The following PRKG1 variants were observed in gnomAD, a reference collection of about 807,000 sequenced individuals.
PRKG1 encodes the protein cGMP-dependent protein kinase 1.
Under a neutral mutation model 88.1 loss-of-function variants are expected in PRKG1, and 35 were observed. The observed-to-expected ratio is 0.40, with a 90% CI of 0.30 to 0.53. The LOEUF (loss-of-function observed/expected upper bound fraction) is 0.53. Among genes scored for constraint, PRKG1 ranks in the 20% least tolerant of loss-of-function variants. The probability of loss-of-function intolerance (pLI) is 0.59; values close to 1 mark genes in which losing one functional copy is unlikely to be tolerated. For synonymous variants in PRKG1, 303 were observed against 292.5 expected, an observed-to-expected ratio of 1.04 and a Z score of -0.37; for missense variants, 540 against 839.8, an observed-to-expected ratio of 0.64 and a Z score of 4.41.
chr10:51,975,309 A>G (rs61847500), intron 5 of PRKG1, among the ~76,000 whole-genome samples: 15,630 of 152,064 alleles, frequency 0.1, 1,194 homozygotes, highest in East Asian at 0.32. Context: ...ACTTTAGGAC[A>G]GAAGCAGCCT....
intron 3 of PRKG1, among the ~76,000 whole-genome samples, chr10:51,511,640 T>C (rs1404054967): frequency 6.6e-6 from 1 of 152,176 alleles, no homozygotes; most frequent in Non-Finnish European, 1.5e-5. Context: ...TAATGAAATA[T>C]CAGTAACACT....
chr10:51,732,035 T>C (rs567635606), intron 3 of PRKG1, among the ~76,000 whole-genome samples: 1 of 133,686 alleles, frequency 7.5e-6, no homozygotes, highest in Non-Finnish European at 1.6e-5. Context: ...TCCTTCCTTC[T>C]TTCCTTCCTT....
At chr10:51,312,683 A>ATGTGTGTG (rs34906561) in intron 2 of PRKG1, among the ~76,000 whole-genome samples, 78 of 150,914 alleles carry the variant, frequency 5.2e-4, no homozygotes, top group Middle Eastern at 7.0e-3. Context: ...AGATGGATAT[A>ATGTGTGTG]TGTGTGTGTG....
intron 2 of PRKG1, among the ~76,000 whole-genome samples, chr10:51,229,926 C>CAAAAAA (rs35300789): frequency 2.8e-3 from 87 of 30,860 alleles, no homozygotes; most frequent in Non-Finnish European, 4.8e-3. Flanking sequence ...GAGGCGATCT[C>CAAAAAA]AAAAAAAAAA....
intron 9 of PRKG1, among the ~76,000 whole-genome samples, chr10:52,171,786 ATTTTTTTTT>A (rs545195374): frequency 1.1e-5 from 1 of 93,860 alleles, no homozygotes; most frequent in African/African-American, 4.3e-5. Flanking sequence ...TTTTATCAAA[ATTTTTTTTT>A]TTTTTTTTTT....
chr10:52,140,337 G>T (rs551974641), intron 8 of PRKG1, among the ~76,000 whole-genome samples: 1 of 151,282 alleles, frequency 6.6e-6, no homozygotes, highest in East Asian at 2.0e-4. Flanking sequence ...GTGTCTTCCA[G>T]TGCTGCTCCT....
chr10:51,525,555 G>T (rs577555341), intron 3 of PRKG1, among the ~76,000 whole-genome samples: 4 of 152,098 alleles, frequency 2.6e-5, no homozygotes, highest in African/African-American at 9.6e-5. Context: ...AAAATTAGCC[G>T]GGTGTGGTGG....
intron 3 of PRKG1, among the ~76,000 whole-genome samples, chr10:51,566,237 G>A (rs1837600230): frequency 6.6e-6 from 1 of 151,988 alleles, no homozygotes; most frequent in South Asian, 2.1e-4. Context: ...GTCAAAGTTA[G>A]AACAGAACAT....
chr10:51,030,540 A>G (rs1843269460), intron 1 of PRKG1, among the ~76,000 whole-genome samples: 1 of 152,192 alleles, frequency 6.6e-6, no homozygotes, highest in Non-Finnish European at 1.5e-5. Flanking sequence ...CAAAATTTTC[A>G]GATGGATTAC....
At chr10:51,269,826 T>C (rs1297107204) in intron 2 of PRKG1, among the ~76,000 whole-genome samples, 3 of 152,158 alleles carry the variant, frequency 2.0e-5, no homozygotes, top group South Asian at 4.1e-4. Flanking sequence ...AACTTATCCA[T>C]GTAAACAGAA....
intron 3 of PRKG1, among the ~76,000 whole-genome samples, chr10:51,738,303 A>C (rs1322135477): frequency 6.6e-6 from 1 of 152,156 alleles, no homozygotes; most frequent in Non-Finnish European, 1.5e-5. Context: ...AGTCCTTCAA[A>C]AGGGACGTTT....
intron 2 of PRKG1, among the ~76,000 whole-genome samples, chr10:51,305,152 C>T (rs1841003536): frequency 6.6e-6 from 1 of 152,052 alleles, no homozygotes; most frequent in South Asian, 2.1e-4. Flanking sequence ...GCATAATCAC[C>T]CCTGGAAAGA....
At chr10:51,881,559 G>T (rs778510228) in intron 4 of PRKG1, among the ~76,000 whole-genome samples, 1 of 152,126 alleles carries the variant, frequency 6.6e-6, no homozygotes, top group African/African-American at 2.4e-5. Context: ...GGAGCTGATG[G>T]TACCAGGCCT....
intron 3 of PRKG1, among the ~76,000 whole-genome samples, chr10:51,794,992 A>G (rs997848739): frequency 6.6e-6 from 1 of 152,148 alleles, no homozygotes; most frequent in Non-Finnish European, 1.5e-5. Context: ...CATTATGCGT[A>G]GTAAATGTTC....
chr10:51,947,632 T>C (rs1843080645), intron 5 of PRKG1, among the ~76,000 whole-genome samples: 1 of 152,118 alleles, frequency 6.6e-6, no homozygotes, highest in South Asian at 2.1e-4. Flanking sequence ...TTGTTTTAAA[T>C]TCATAAAGTG....
intron 5 of PRKG1, among the ~76,000 whole-genome samples, chr10:51,956,845 C>G (rs544280973): frequency 6.6e-6 from 1 of 152,006 alleles, no homozygotes; most frequent in Non-Finnish European, 1.5e-5. Flanking sequence ...ATGTACTTAC[C>G]ATATTCACTG....
chr10:52,023,877 A>T (rs963781227), intron 5 of PRKG1, among the ~76,000 whole-genome samples: 7 of 152,158 alleles, frequency 4.6e-5, no homozygotes, highest in African/African-American at 1.7e-4. Flanking sequence ...ATTTACTCTA[A>T]TGATAGTTTC....
intron 2 of PRKG1, among the ~76,000 whole-genome samples, chr10:51,268,318 C>T (rs1275275863): frequency 6.6e-6 from 1 of 152,112 alleles, no homozygotes; most frequent in South Asian, 2.1e-4. Flanking sequence ...ACTGGTCTGA[C>T]CACAATTTAT....
intron 2 of PRKG1, among the ~76,000 whole-genome samples, chr10:51,185,414 G>A (rs905056742): frequency 3.9e-5 from 6 of 151,930 alleles, no homozygotes; most frequent in Admixed American, 3.9e-4. Flanking sequence ...CCACATTACT[G>A]TATTCAAATC....
Sources: allele counts gnomAD v4.1 joint callset (sites outside exome capture counted in the v4.1 genomes callset), GRCh38; gene constraint gnomAD v4.1.1; transcripts MANE v1.5; gene names NCBI Gene and HGNC (gene_info 2026-07-23, HGNC 2026-07-21).